Variants in DENND4C observed in about 807,000 individuals in gnomAD.
DENND4C encodes the protein DENN domain-containing protein 4C.
DENND4C carries 108 observed loss-of-function variants against 203.0 expected under a neutral mutation model. That is an observed-to-expected ratio of 0.53 (90% confidence interval 0.46 to 0.62). The LOEUF is 0.62. Among genes scored for constraint, DENND4C ranks in the 20% least tolerant of loss-of-function variants. The probability of loss-of-function intolerance (pLI) is 0.00; values close to 1 mark genes in which losing one functional copy is unlikely to be tolerated. For synonymous variants in DENND4C, 871 were observed against 792.4 expected (o/e 1.10, Z -1.67); for missense variants, 2,481 against 2,301.2 (o/e 1.08, Z -1.60).
chr9:19,346,753 A>G lies in DENND4C; in HGVS notation c.3984A>G (p.Leu1328=). The G allele has an allele frequency of 1.9e-6, 3 of 1,614,196 alleles. No individual in the cohort carries two copies. The highest frequency in any genetic ancestry group is 2.5e-6 in the Non-Finnish European group (3 of 1,180,036). Residue 1328 remains leucine (L), a synonymous_variant, in exon 23 of 33, where the codon CTA becomes CTG. Transcript: ENST00000434457. The part of the protein sequence containing the change: ...FIHALERRSS[L]PLDHGSPAQE... ...ATGCTCTAGAGAGGAGATCAAGCCT[A>G]CCTTTAGATCATGGTTCACCAGCAC...
Position 19,360,352 on chromosome 9 carries a change from G to A in DENND4C, c.5269G>A (p.Val1757Met), listed in dbSNP as rs760723699. The change falls in exon 29 of 33, where the codon GTG becomes ATG. Residue 1757 changes from valine (V) to methionine (M), a missense_variant. Val to Met is a conservative substitution (Grantham distance 21, BLOSUM62 1). Around this residue, in one of 3 missense-constraint regions of DENND4C, gnomAD observed 2,289 missense variants for 2,113.3 expected, o/e 1.08. Transcript: ENST00000434457. ...TTTGCTAGAAAATGAAGGTGATCAGGTGATTCATACATCTTCTTTCATCAA... is the reference window on the plus strand; with the variant it reads ...TTTGCTAGAAAATGAAGGTGATCAGATGATTCATACATCTTCTTTCATCAA... ...ESLLENEGDQVIHTSSFINQH... is the reference protein window; with the variant it reads ...ESLLENEGDQMIHTSSFINQH... 6.2e-7 allele frequency: 1 copy of A among 1,614,056 alleles called. No individual in the cohort carries two copies. The highest frequency in any genetic ancestry group is 8.5e-7 in the Non-Finnish European group (1 of 1,180,000).
chr9:19,273,495 C>T (rs955655880), intron 1 of DENND4C, among the ~76,000 whole-genome samples: 1 of 151,934 alleles, frequency 6.6e-6, no homozygotes, highest in African/African-American at 2.4e-5. Context: ...AGAATAAAAA[C>T]ACAAGCCGCA....
At chr9:19,255,595 C>A (rs1827735683) in intron 1 of DENND4C, among the ~76,000 whole-genome samples, 1 of 151,906 alleles carries the variant, frequency 6.6e-6, no homozygotes, top group Admixed American at 6.6e-5. Context: ...TTCATACAGA[C>A]TGGTTTTTAT....
chr9:19,246,224 C>T (rs1277256105), intron 1 of DENND4C, among the ~76,000 whole-genome samples: 1 of 151,146 alleles, frequency 6.6e-6, no homozygotes, highest in Non-Finnish European at 1.5e-5. Flanking sequence ...CCCGATTACA[C>T]TCAGTTCTTT....
chr9:19,231,584 C>T (rs868755575), intron 1 of DENND4C, among the ~76,000 whole-genome samples: 5 of 150,956 alleles, frequency 3.3e-5, no homozygotes, highest in African/African-American at 9.8e-5. Context: ...TAGACCTTTT[C>T]CCTCTCGAAG....
chr9:19,312,860 C>G (rs11789075), intron 10 of DENND4C, among the ~76,000 whole-genome samples: 1 of 151,950 alleles, frequency 6.6e-6, no homozygotes, highest in Non-Finnish European at 1.5e-5. Context: ...CTCATTAATA[C>G]GTTATGTTAG....
rs1824296513 is a variant in DENND4C at position 19,352,192 on chromosome 9, C to G, written c.4605+10C>G. 6.2e-7 allele frequency: 1 copy of G among 1,604,192 alleles called. No individual in the cohort carries two copies. ...GAATTGTGCAATGGAGGTAAAAGTT[C>G]TATATTCAGTTCATGATAAAGTAGC... On this transcript the variant is annotated intron_variant, in intron 25 of 32. Coordinates refer to ENST00000434457, the MANE Select transcript of DENND4C (RefSeq NM_001330640.2).
chr9:19,360,136 A>T, intron 28 of DENND4C, 108 bp from the exon 29 acceptor site: 1 of 1,194,406 alleles, frequency 8.4e-7, no homozygotes. Flanking sequence ...CAATGGTCCT[A>T]AAATAACTGA....
chr9:19,234,934 T>G (rs1353537153), intron 1 of DENND4C, among the ~76,000 whole-genome samples: 1 of 151,972 alleles, frequency 6.6e-6, no homozygotes, highest in Non-Finnish European at 1.5e-5. Flanking sequence ...TTTGAAATTT[T>G]GGGAAAGTCA....
intron 1 of DENND4C, among the ~76,000 whole-genome samples, chr9:19,241,480 G>A (rs1009716388): frequency 6.6e-5 from 10 of 150,890 alleles, no homozygotes; most frequent in African/African-American, 1.9e-4. Flanking sequence ...CCTGAGTTGC[G>A]TGCCACTGCA....
At chr9:19,283,928 A>G (rs1450778759) in intron 2 of DENND4C, among the ~76,000 whole-genome samples, 1 of 152,092 alleles carries the variant, frequency 6.6e-6, no homozygotes, top group Non-Finnish European at 1.5e-5. Flanking sequence ...ATCATAGACC[A>G]TACGAAGTTC....
At chr9:19,315,168 A>AAG (rs1554632744) in intron 10 of DENND4C, among the ~76,000 whole-genome samples, 6 of 151,286 alleles carry the variant, frequency 4.0e-5, no homozygotes, top group Admixed American at 4.0e-4. Flanking sequence ...AAAAAAAAAA[A>AAG]AAAAGAAAAG....
At chr9:19,327,215 G>A (rs1019482697) in intron 15 of DENND4C, among the ~76,000 whole-genome samples, 1 of 151,974 alleles carries the variant, frequency 6.6e-6, no homozygotes, top group Non-Finnish European at 1.5e-5. Flanking sequence ...ATATGGAAAG[G>A]CGCTATATTC....
intron 23 of DENND4C, among the ~76,000 whole-genome samples, chr9:19,349,950 CTG>C (rs1209422993): frequency 1.3e-5 from 2 of 152,090 alleles, no homozygotes; most frequent in South Asian, 4.1e-4. Flanking sequence ...TATTCTCTGA[CTG>C]TTGATATCAT....
intron 3 of DENND4C, among the ~76,000 whole-genome samples, chr9:19,287,924 G>C (rs553191034): frequency 6.6e-6 from 1 of 152,176 alleles, no homozygotes; most frequent in African/African-American, 2.4e-5. Context: ...TAGAGATGAG[G>C]TTTCACCATG....
chr9:19,329,126 A>G (rs934569868), intron 16 of DENND4C, among the ~76,000 whole-genome samples: 4 of 152,220 alleles, frequency 2.6e-5, no homozygotes, highest in Admixed American at 6.5e-5. Flanking sequence ...GGCTTTTAGT[A>G]TATTTACAGG....
rs1318187617 is a variant in DENND4C, at chr9:19,286,894, G to A, written c.431G>A (p.Arg144Gln). 4 of 1,231,872 alleles carry A rather than the reference G, an allele frequency of 3.2e-6. No individual in the cohort carries two copies. The highest frequency in any genetic ancestry group is 1.6e-5 in the African/African-American group (1 of 64,354). The allele number at this position is 1,231,872 out of a possible 1,614,324, so 76.3% of individuals were successfully genotyped here. ...TCACAAAGAATCTTTATCACTTATC[G>A]AAGGGCTCCTCCAGTTCGACCCCAG... The part of the protein sequence containing the change: ...TTSQRIFITY[R>Q]RAPPVRPQNS... The change falls in exon 3 of 33, where the codon CGA (arginine) becomes CAA (glutamine). Residue 144 changes from arginine (R) to glutamine (Q), a missense_variant. Coordinates refer to ENST00000434457, the MANE Select transcript of DENND4C (RefSeq NM_001330640.2).
At chr9:19,326,493 T>G (rs985645170) in intron 15 of DENND4C, among the ~76,000 whole-genome samples, 1 of 152,098 alleles carries the variant, frequency 6.6e-6, no homozygotes, top group Non-Finnish European at 1.5e-5. Context: ...GGAGTTTCAT[T>G]TTGAAACAAA....
At position 19,300,308 on chromosome 9, in the gene DENND4C, G is replaced by A. The variant is rs1838294233; in HGVS notation, c.1288G>A (p.Gly430Arg). ...LHSLRPAVLT[G>R]VAEAVVAMIF... is the part of the protein sequence containing the mutation. ...TTCTCTTAGGCCAGCTGTCTTGACT[G>A]GGGTAGCTGAAGCTGTTGTAGCTGT... The change falls in exon 9 of 33, where the codon GGG (glycine) becomes AGG (arginine). Residue 430 changes from glycine to arginine, a missense_variant. Gly to Arg is a moderately radical substitution (Grantham distance 125). Transcript: ENST00000434457. 3 of 1,593,286 alleles carry A rather than the reference G, an allele frequency of 1.9e-6. 1 individual carries two copies. Among genetic ancestry groups the A allele is most frequent in the South Asian group, 2.3e-5 (2 of 87,852 alleles).
Sources: gnomAD v4.1 joint callset for allele counts (sites outside exome capture counted in the v4.1 genomes callset) on GRCh38, gnomAD v4.1.1 for gene constraint, gnomAD v4.1.1 regional missense constraint, MANE v1.5 for transcripts, NCBI Gene and HGNC (gene_info 2026-07-23, HGNC 2026-07-21) for gene names.